The following ATAD2 variants were observed in gnomAD, a reference collection of about 807,000 sequenced individuals.
The protein encoded by ATAD2 is ATPase family AAA domain containing 2.
In ATAD2, 62 loss-of-function variants were observed where a neutral mutation model predicts 168.9. That is an observed-to-expected ratio of 0.37 (90% CI 0.30 to 0.45). The LOEUF is 0.45. ATAD2 is among the 20% of genes least tolerant of loss of function. The pLI, the probability that ATAD2 is intolerant of heterozygous loss-of-function variation, is 1.00. For missense variants in ATAD2, 1,419 were observed against 1,667.8 expected (o/e 0.85, Z 2.60); for synonymous variants, 613 against 571.6 (o/e 1.07, Z -1.03).
At chr8:123,385,991 C>T (rs182801192) in intron 1 of ATAD2, among the ~76,000 whole-genome samples, 2 of 148,622 alleles carry the variant, frequency 1.3e-5, no homozygotes, top group African/African-American at 2.5e-5. Context: ...ACAGAGATAA[C>T]ACTTCACACA....
At position 123,328,691 on chromosome 8, in the gene ATAD2, T is replaced by C. The variant is rs551369909; in HGVS notation, c.3479-112A>G. On this transcript the variant is annotated intron_variant, in intron 24 of 27. Coordinates refer to ENST00000287394, the MANE Select transcript of ATAD2 (RefSeq NM_014109.4). ...ATAAATAGTGAGAAACCACAGTATTTTGTATGATTAAAATACAGAAACAAG... is the reference window on the plus strand; with the variant it reads ...ATAAATAGTGAGAAACCACAGTATTCTGTATGATTAAAATACAGAAACAAG... 8 of 1,115,802 alleles carry C rather than the reference T, an allele frequency of 7.2e-6. No homozygotes were observed. In the African/African-American group the frequency reaches 1.1e-4, roughly 16 times the overall value. The allele number at this position is 1,115,802 out of a possible 1,614,324, so 69.1% of individuals were successfully genotyped here.
rs748914423 is a variant in ATAD2, at chr8:123,325,975, T to G, written c.3920A>C (p.Gln1307Pro). ...AGCCTTTTCAACAGTGATGAGCTGC[T>G]GCTGTTCTACCTGGGAACGTCTAGC... ...TRARRSQVEQ[Q>P]QLITVEKALA... The change falls in exon 26 of 28, where the codon CAG (glutamine) becomes CCG (proline). Residue 1307 changes from glutamine to proline, a missense_variant. Gln to Pro is a moderately conservative substitution (Grantham distance 76). Coordinates refer to ENST00000287394, the MANE Select transcript of ATAD2 (RefSeq NM_014109.4). 1.2e-6 allele frequency: 2 copies of G among 1,614,150 alleles called. No homozygotes were observed. Among genetic ancestry groups the G allele is most frequent in the East Asian group, 4.5e-5 (2 of 44,892 alleles).
intron 24 of ATAD2, 147 bp from the exon 25 acceptor site, chr8:123,328,726 T>C (rs1586855514): frequency 1.2e-6 from 1 of 847,684 alleles, no homozygotes; most frequent in Non-Finnish European, 1.6e-6. Context: ...GAATAGAGCA[T>C]ACTGTGAGAA....
At chr8:123,390,977 G>A (rs1225574263) in intron 1 of ATAD2, among the ~76,000 whole-genome samples, 2 of 151,874 alleles carry the variant, frequency 1.3e-5, no homozygotes, top group Non-Finnish European at 2.9e-5. Flanking sequence ...CAGAGATTGC[G>A]CCACTGCATT....
intron 2 of ATAD2, among the ~76,000 whole-genome samples, chr8:123,379,929 C>T (rs1199706149): frequency 6.8e-6 from 1 of 147,678 alleles, no homozygotes; most frequent in Non-Finnish European, 1.5e-5. Flanking sequence ...TCTTGTTGTC[C>T]AGGCTGGAAT....
intron 8 of ATAD2, among the ~76,000 whole-genome samples, chr8:123,362,403 A>C (rs1828854628): frequency 6.6e-6 from 1 of 151,854 alleles, no homozygotes; most frequent in Non-Finnish European, 1.5e-5. Flanking sequence ...CTACTTTAAA[A>C]AATCAAATAA....
At chr8:123,405,048 T>C (rs577857270) in intron 1 of ATAD2, among the ~76,000 whole-genome samples, 1 of 152,346 alleles carries the variant, frequency 6.6e-6, no homozygotes, top group South Asian at 2.1e-4. Context: ...AAACTTTTTC[T>C]GTAAATGGCC....
chr8:123,369,741 G>C (rs1829083291), intron 7 of ATAD2, 80 bp downstream of exon 7: 1 of 1,230,360 alleles, frequency 8.1e-7, no homozygotes, highest in African/African-American at 1.5e-5. Context: ...ATACCAAAAA[G>C]ACAAGAATAA....
chr8:123,362,410 A>G (rs1275451134), intron 8 of ATAD2, among the ~76,000 whole-genome samples: 1 of 151,632 alleles, frequency 6.6e-6, no homozygotes, highest in South Asian at 2.1e-4. Context: ...AAAAAATCAA[A>G]TAACTTTTTT....
In ATAD2 at chr8:123,352,682, C is replaced by CTT. The variant is rs1268354163; in HGVS notation, c.1647-3239_1647-3238insAA. 13 of 147,872 alleles carry CTT rather than the reference C, an allele frequency of 8.8e-5. 1 individual carries two copies. The highest frequency in any genetic ancestry group is 3.3e-4 in the African/African-American group (13 of 38,992). 9.2% of individuals were successfully genotyped at this position (147,872 alleles called of 1,614,324 possible). On this transcript the variant is annotated intron_variant, in intron 13 of 27. Transcript: ENST00000287394. Reference sequence around the variant, plus strand: ...CAAGAATAGAAATTAAGAAATCATACCTTTTTTTTTTTTACAAATAAGATG... The same window carrying CTT: ...CAAGAATAGAAATTAAGAAATCATACTTCTTTTTTTTTTTTACAAATAAGATG...
Position 123,325,987 on chromosome 8 carries a change from T to C in ATAD2, c.3908A>G (p.Gln1303Arg), listed in dbSNP as rs951812541. 6.2e-6 allele frequency: 10 copies of C among 1,614,020 alleles called. No homozygotes were observed. Among genetic ancestry groups the C allele is most frequent in the African/African-American group, 4.0e-5 (3 of 74,920 alleles). Residue 1303 changes from glutamine to arginine, a missense_variant, in exon 26 of 28, where the codon CAG becomes CGG. Around this residue, in one of 5 missense-constraint regions of ATAD2, gnomAD observed 303 missense variants for 304.3 expected, o/e 1.00. Coordinates refer to ENST00000287394, the MANE Select transcript of ATAD2 (RefSeq NM_014109.4). The part of the protein sequence containing the change: ...VLRMTRARRS[Q>R]VEQQQLITVE... Reference sequence around the variant, plus strand: ...AGTGATGAGCTGCTGCTGTTCTACCTGGGAACGTCTAGCTCGAGTCATTCG... The same window carrying C: ...AGTGATGAGCTGCTGCTGTTCTACCCGGGAACGTCTAGCTCGAGTCATTCG...
At chr8:123,374,798 G>A (rs762401555) in intron 2 of ATAD2, among the ~76,000 whole-genome samples, 5 of 152,108 alleles carry the variant, frequency 3.3e-5, no homozygotes, top group South Asian at 2.1e-4. Context: ...TGAAAGCTAC[G>A]GTATACGCAA....
At chr8:123,367,578 C>T (rs550061211) in intron 8 of ATAD2, among the ~76,000 whole-genome samples, 1 of 152,210 alleles carries the variant, frequency 6.6e-6, no homozygotes, top group African/African-American at 2.4e-5. Flanking sequence ...CTATACCTTC[C>T]TCTCCTTTTC....
At chr8:123,357,192 T>G (rs924350686) in intron 12 of ATAD2, among the ~76,000 whole-genome samples, 1 of 152,230 alleles carries the variant, frequency 6.6e-6, no homozygotes, top group African/African-American at 2.4e-5. Flanking sequence ...TCTTACAATG[T>G]GCTGTCAATA....
chr8:123,377,091 C>CA (rs58655606), intron 2 of ATAD2, among the ~76,000 whole-genome samples: 2,423 of 27,190 alleles, frequency 0.089, 250 homozygotes, highest in Middle Eastern at 0.17. Context: ...GACTCCGTCT[C>CA]AAAAAAAAAA....
intron 2 of ATAD2, among the ~76,000 whole-genome samples, chr8:123,377,248 G>A (rs1829347377): frequency 6.6e-6 from 1 of 151,838 alleles, no homozygotes; most frequent in Admixed American, 6.6e-5. Context: ...CAGCCTGGGT[G>A]ACAGAGCAAG....
At chr8:123,407,921 C>G (rs1813089627) in intron 1 of ATAD2, among the ~76,000 whole-genome samples, 1 of 151,958 alleles carries the variant, frequency 6.6e-6, no homozygotes, top group Non-Finnish European at 1.5e-5. Context: ...CTCAAGTGTT[C>G]TTACTTCATG....
At chr8:123,391,613 T>C (rs1829828524) in intron 1 of ATAD2, among the ~76,000 whole-genome samples, 1 of 148,278 alleles carries the variant, frequency 6.7e-6, no homozygotes, top group Non-Finnish European at 1.5e-5. Context: ...GCTCTGTCAA[T>C]AAATATGTGG....
chr8:123,400,980 G>A, upstream of ATAD2: 1 of 1,449,554 alleles, frequency 6.9e-7, no homozygotes, highest in South Asian at 1.1e-5. This position sits in a 1 kb window ranked among gnomAD's most constrained non-coding sequence, Gnocchi z 4.5. Flanking sequence ...AGGCCACGAT[G>A]CGGCATGGCT....
Sources: gnomAD v4.1 joint callset for allele counts (sites outside exome capture counted in the v4.1 genomes callset) on GRCh38, gnomAD v4.1.1 for gene constraint, gnomAD v4.1.1 regional missense constraint, Gnocchi (gnomAD v3.1) non-coding constraint, MANE v1.5 for transcripts, NCBI Gene and HGNC (gene_info 2026-07-23, HGNC 2026-07-21) for gene names.